The following TF variants were observed in gnomAD, a reference collection of about 807,000 sequenced individuals.
The protein encoded by TF is transferrin.
A neutral mutation model predicts 82.4 loss-of-function variants in TF; 55 were observed. That is an observed-to-expected ratio of 0.67 (90% confidence interval 0.54 to 0.84). TF has a LOEUF of 0.84. Ranked by LOEUF, TF falls within the 40% of genes least tolerant of loss-of-function variation. TF has a pLI of 0.00. For synonymous variants in TF, 332 were observed against 332.6 expected (o/e 1.00, Z 0.02); for missense variants, 737 against 868.4 (o/e 0.85, Z 1.90).
the TF span, among the ~76,000 whole-genome samples, chr3:133,714,152 A>G: frequency 1.2e-3 from 180 of 152,254 alleles, 2 homozygotes; most frequent in South Asian, 2.9e-3. Context: ...GCATGGGGGC[A>G]GGGCAAGTCA....
At chr3:133,699,983 C>A in the TF span, 121 of 178,418 alleles carry the variant, frequency 6.8e-4, no homozygotes, top group African/African-American at 2.6e-3. Context: ...ATCCTGCCCT[C>A]CTGACAACTC....
chr3:133,796,199 T>G lies in TF; in HGVS notation c.*17579T>G, dbSNP rs1934966391. ...AAGTTTCATCCAGTTCCACCACCCC[T>G]GGCCATCAAGGAGCTACCCTGCCTT... On this transcript the variant is annotated 3_prime_UTR_variant, in exon 17 of 17. Coordinates refer to ENST00000402696, the MANE Select transcript of TF (RefSeq NM_001063.4). 1 of 153,314 alleles carries G rather than the reference T, an allele frequency of 6.5e-6. No individual in the cohort carries two copies. Among genetic ancestry groups the G allele is most frequent in the African/African-American group, 2.4e-5 (1 of 41,446 alleles). 9.5% of individuals were successfully genotyped at this position (153,314 alleles called of 1,614,324 possible).
At position 133,757,012 on chromosome 3, in the gene TF, A is replaced by G; in HGVS notation, c.870+3A>G. On this transcript the variant is annotated splice_donor_region_variant and intron_variant, in intron 7 of 16. Coordinates refer to ENST00000402696, the MANE Select transcript of TF (RefSeq NM_001063.4). Reference sequence around the variant, plus strand: ...GGGAGCTTCTCAACCAGGCCCAGGTATCCCCACCTGCCATCCTCCCCTCCA... The same window carrying G: ...GGGAGCTTCTCAACCAGGCCCAGGTGTCCCCACCTGCCATCCTCCCCTCCA... 6.2e-7 allele frequency: 1 copy of G among 1,614,156 alleles called. No homozygotes were observed. Among genetic ancestry groups the G allele is most frequent in the Non-Finnish European group, 8.5e-7 (1 of 1,180,024 alleles).
In TF at chr3:133,754,521, G is replaced by A. The variant is rs534968613; in HGVS notation, c.352G>A (p.Ala118Thr). 1.2e-6 allele frequency: 2 copies of A among 1,614,200 alleles called. No homozygotes were observed. Among genetic ancestry groups the A allele is most frequent in the South Asian group, 2.2e-5 (2 of 91,080 alleles). The change falls in exon 4 of 17, where the codon GCT becomes ACT. Residue 118 changes from alanine to threonine, a missense_variant. Physicochemically the swap from Ala to Thr is moderately conservative, Grantham distance 58 (BLOSUM62 0). Coordinates refer to ENST00000402696, the MANE Select transcript of TF (RefSeq NM_001063.4). ...EDPQTFYYAV[A>T]VVKKDSGFQM... ...TCCACAGACTTTCTATTATGCTGTT[G>A]CTGTGGTGAAGAAGGATAGTGGCTT...
At chr3:133,707,021 A>G in the TF span, among the ~76,000 whole-genome samples, 3 of 152,220 alleles carry the variant, frequency 2.0e-5, no homozygotes, top group Non-Finnish European at 2.9e-5. Context: ...ATTTATAGTC[A>G]GAAACAACCC....
chr3:133,764,107 A>G, intron 9 of TF, 75 bp from the exon 10 acceptor site: 1 of 1,343,486 alleles, frequency 7.4e-7, no homozygotes, highest in South Asian at 1.2e-5. Flanking sequence ...GGCTGCTTCA[A>G]GGAAACAGCT....
At chr3:133,747,645 T>A (rs1933540855) in intron 1 of TF, among the ~76,000 whole-genome samples, 1 of 152,214 alleles carries the variant, frequency 6.6e-6, no homozygotes, top group Non-Finnish European at 1.5e-5. Flanking sequence ...CTTCAGCTTT[T>A]TTTGTGAATG....
chr3:133,694,344 G>T, the TF span: 1 of 152,822 alleles, frequency 6.5e-6, no homozygotes, highest in Non-Finnish European at 1.5e-5. Context: ...ATCGTACTTT[G>T]GCTACGCGGG....
rs1422821691 is a variant in TF, at chr3:133,746,667, A to C, written c.43+184A>C. On this transcript the variant is annotated intron_variant, in intron 1 of 16. Coordinates refer to ENST00000402696, the MANE Select transcript of TF (RefSeq NM_001063.4). ...TTGCTTGGGCTTCTAGACACCTTTC[A>C]CTGCACTCACTGTCTTCTCCCCCTC... 2.0e-5 allele frequency among the ~76,000 whole-genome samples: 3 copies of C among 152,022 alleles called. No homozygotes were observed. The East Asian group carries it at 5.8e-4, about 29-fold the overall frequency.
chr3:133,685,523 T>C, the TF span, among the ~76,000 whole-genome samples: 3 of 152,158 alleles, frequency 2.0e-5, no homozygotes, highest in South Asian at 2.1e-4. Context: ...ACAAAATCAA[T>C]GTGCAAAAAT....
chr3:133,738,032 T>C, the TF span, among the ~76,000 whole-genome samples: 2 of 152,290 alleles, frequency 1.3e-5, no homozygotes, highest in South Asian at 4.1e-4. Context: ...CAGGTCAATA[T>C]CCCTGATGAA....
At chr3:133,732,526 C>T in the TF span, among the ~76,000 whole-genome samples, 1 of 152,168 alleles carries the variant, frequency 6.6e-6, no homozygotes, top group Non-Finnish European at 1.5e-5. Flanking sequence ...CACTCCGGTT[C>T]CTTTTCACAG....
At chr3:133,744,031 CT>C (rs1933442992), upstream of TF, among the ~76,000 whole-genome samples, 1 of 148,246 alleles carries the variant, frequency 6.7e-6, no homozygotes, top group African/African-American at 2.5e-5. Flanking sequence ...CACCAGTTCT[CT>C]ATGTCTTGTC....
the TF span, among the ~76,000 whole-genome samples, chr3:133,688,022 G>A: frequency 6.6e-6 from 1 of 152,126 alleles, no homozygotes; most frequent in Admixed American, 6.6e-5. Flanking sequence ...TTTAGCTGAG[G>A]GGTGGGGTAG....
At chr3:133,676,466 G>T in the TF span, among the ~76,000 whole-genome samples, 1 of 152,222 alleles carries the variant, frequency 6.6e-6, no homozygotes, top group Non-Finnish European at 1.5e-5. Flanking sequence ...CATGTGAAGA[G>T]CCCTCCCTGG....
intron 2 of TF, among the ~76,000 whole-genome samples, chr3:133,753,249 C>T (rs1048676642): frequency 6.6e-6 from 1 of 152,204 alleles, no homozygotes; most frequent in African/African-American, 2.4e-5. Flanking sequence ...TGCTCTGAGT[C>T]TGGGGTGGCG....
intron 2 of TF, 88 bp downstream of exon 2, chr3:133,748,672 A>G (rs964831129): frequency 7.3e-6 from 11 of 1,513,802 alleles, no homozygotes; most frequent in Non-Finnish European, 9.0e-6. Flanking sequence ...ACTCACAGGT[A>G]GGAGGCTGAT....
rs1934167198 is a variant in TF, at chr3:133,768,021, C to A, written c.1487-8C>A. 6.2e-7 allele frequency: 1 copy of A among 1,614,006 alleles called. No homozygotes were observed. Among genetic ancestry groups the A allele is most frequent in the African/African-American group, 1.3e-5 (1 of 74,932 alleles). On this transcript the variant is annotated splice_region_variant and splice_polypyrimidine_tract_variant and intron_variant, in intron 12 of 16. Transcript: ENST00000402696. The stretch of plus-strand genomic sequence containing the variant: ...GAAAAGCTGACTTCCTCTTGTCCTT[C>A]TGCACAGATGAATTTTTCAGTGAAG...
intron 12 of TF, among the ~76,000 whole-genome samples, chr3:133,766,789 T>A (rs1934137857): frequency 6.6e-6 from 1 of 152,160 alleles, no homozygotes; most frequent in Non-Finnish European, 1.5e-5. Context: ...AAGACTTCCA[T>A]CTTCAAGGTC....
Sources: gnomAD v4.1 joint callset for allele counts (sites outside exome capture counted in the v4.1 genomes callset) on GRCh38, gnomAD v4.1.1 for gene constraint, MANE v1.5 for transcripts, NCBI Gene and HGNC (gene_info 2026-07-23, HGNC 2026-07-21) for gene names.